The following SLC10A2 variants were observed in gnomAD, a reference collection of about 807,000 sequenced individuals.
SLC10A2 encodes solute carrier family 10 member 2, also known as ileal sodium/bile acid cotransporter.
Under a neutral mutation model 27.1 loss-of-function variants are expected in SLC10A2, and 34 were observed. The ratio of observed to expected loss-of-function variants is 1.26; its 90% CI spans 0.96 to 1.67. SLC10A2 has a LOEUF of 1.67. Among genes scored for constraint, SLC10A2 ranks in the 40% most tolerant of loss-of-function variants. SLC10A2 has a pLI of 0.00. For synonymous variants in SLC10A2, 205 were observed against 174.0 expected, an observed-to-expected ratio of 1.18 and a Z score of -1.40; for missense variants, 530 against 444.4, an observed-to-expected ratio of 1.19 and a Z score of -1.73.
chr13:103,060,763 T>G (rs1001360084), intron 1 of SLC10A2, among the ~76,000 whole-genome samples: 1 of 152,160 alleles, frequency 6.6e-6, no homozygotes, highest in African/African-American at 2.4e-5. Context: ...AATGAGAAAT[T>G]TCTCTGAAAG....
intron 3 of SLC10A2, 150 bp downstream of exon 3, chr13:103,052,470 A>G: frequency 2.9e-6 from 2 of 690,388 alleles, no homozygotes; most frequent in South Asian, 1.6e-5. Context: ...AAAGAAGGAC[A>G]TTCTAAAGGA....
intron 2 of SLC10A2, among the ~76,000 whole-genome samples, chr13:103,052,993 T>C (rs2042671778): frequency 1.3e-5 from 2 of 152,120 alleles, no homozygotes; most frequent in African/African-American, 4.8e-5. Flanking sequence ...GTTTCTTATT[T>C]TGCCAGCATA....
rs200350202 is a variant in SLC10A2, at chr13:103,052,744, C to G, written c.497-36G>C. 24 of 1,244,676 alleles carry G rather than the reference C, an allele frequency of 1.9e-5. No homozygotes were observed. In the South Asian group the frequency reaches 2.5e-4, roughly 13 times the overall value. The allele number at this position is 1,244,676 out of a possible 1,614,324, so 77.1% of individuals were successfully genotyped here. A position where few individuals can be genotyped will look rare whatever the true frequency, so the allele number is the denominator to read the frequency against. ...CAGAAGGGCAATGTGATCAGCAGAACAGGTGACACAGGAAAGAGAAAAACA... is the reference window on the plus strand; with the variant it reads ...CAGAAGGGCAATGTGATCAGCAGAAGAGGTGACACAGGAAAGAGAAAAACA... On this transcript the variant is annotated intron_variant, in intron 2 of 5. Transcript: ENST00000245312.
chr13:103,054,934 T>A (rs183963), intron 2 of SLC10A2, among the ~76,000 whole-genome samples: 64,318 of 151,980 alleles, frequency 0.42, 14,131 homozygotes, highest in African/African-American at 0.54. Context: ...TGAAAAAGCA[T>A]CCACTCATGG....
chr13:103,046,491 C>T (rs1875614861), intron 5 of SLC10A2, among the ~76,000 whole-genome samples: 1 of 152,142 alleles, frequency 6.6e-6, no homozygotes, highest in Non-Finnish European at 1.5e-5. Flanking sequence ...TTGCTCAGGG[C>T]AGCCACAAGC....
At chr13:103,063,318 A>C (rs9514093) in intron 1 of SLC10A2, among the ~76,000 whole-genome samples, 9,369 of 152,222 alleles carry the variant, frequency 0.062, 337 homozygotes, top group African/African-American at 0.09. Flanking sequence ...TCTCCCAAGA[A>C]CCATAACCAA....
In SLC10A2 at chr13:103,045,967, A is replaced by G. The variant is rs906957868; in HGVS notation, c.*166T>C. 5 of 683,856 alleles carry G rather than the reference A, an allele frequency of 7.3e-6. No individual in the cohort carries two copies. Among genetic ancestry groups the G allele is most frequent in the Non-Finnish European group, 1.2e-5 (5 of 401,574 alleles). The allele number at this position is 683,856 out of a possible 1,614,324, so 42.4% of individuals were successfully genotyped here. On this transcript the variant is annotated 3_prime_UTR_variant, in exon 6 of 6. Coordinates refer to ENST00000245312, the MANE Select transcript of SLC10A2 (RefSeq NM_000452.3). ...GAAACAATATTTGTCCCATTAAAGAATTGGGCCACCAGTCACTTGGTACTG... is the reference window on the plus strand; with the variant it reads ...GAAACAATATTTGTCCCATTAAAGAGTTGGGCCACCAGTCACTTGGTACTG...
At chr13:103,052,168 T>A (rs1875802448) in intron 3 of SLC10A2, among the ~76,000 whole-genome samples, 1 of 152,232 alleles carries the variant, frequency 6.6e-6, no homozygotes, top group Non-Finnish European at 1.5e-5. Flanking sequence ...TATGTTCTAT[T>A]TTCTAAGAAA....
At chr13:103,059,530 A>T (rs1480795006) in intron 1 of SLC10A2, among the ~76,000 whole-genome samples, 1 of 152,134 alleles carries the variant, frequency 6.6e-6, no homozygotes, top group Non-Finnish European at 1.5e-5. Context: ...CCTGGCCTTG[A>T]GCAAAATGGG....
rs143232105 is a variant in SLC10A2, at chr13:103,052,669, C to G, written c.536G>C (p.Gly179Ala). 6.2e-7 allele frequency: 1 copy of G among 1,612,344 alleles called. No homozygotes were observed. The highest frequency in any genetic ancestry group is 8.5e-7 in the Non-Finnish European group (1 of 1,178,612). ...GGGCCATTTGTGATTAACAAACATT[C>G]CAATGGAAACAGGAACAACGAGAGA... ...LVSLVVPVSI[G>A]MFVNHKWPQK... Residue 179 changes from glycine (G) to alanine (A), a missense_variant, in exon 3 of 6, where the codon GGA becomes GCA. Coordinates refer to ENST00000245312, the MANE Select transcript of SLC10A2 (RefSeq NM_000452.3).
chr13:103,066,049 G>GC lies in SLC10A2; in HGVS notation c.200dup (p.Ile68HisfsTer24). On this transcript the variant is annotated frameshift_variant, in exon 1 of 6. Coordinates refer to ENST00000245312, the MANE Select transcript of SLC10A2 (RefSeq NM_000452.3). LOFTEE classifies it high-confidence loss of function. ...ACTGACAGAGGAAGCCAACACAAATGCCCCACGGCCGCTTTATGTGCCCTA... is the reference window on the plus strand; with the variant it reads ...ACTGACAGAGGAAGCCAACACAAATGCCCCCACGGCCGCTTTATGTGCCCTA... 1 of 1,614,112 alleles carries GC rather than the reference G, an allele frequency of 6.2e-7. No individual in the cohort carries two copies. The highest frequency in any genetic ancestry group is 1.3e-5 in the African/African-American group (1 of 75,024).
chr13:103,063,349 A>AT (rs1876182206), intron 1 of SLC10A2, among the ~76,000 whole-genome samples: 1 of 152,158 alleles, frequency 6.6e-6, no homozygotes, highest in Non-Finnish European at 1.5e-5. Context: ...ACCAGGTGGA[A>AT]TGGTTTTGCT....
intron 2 of SLC10A2, among the ~76,000 whole-genome samples, chr13:103,057,827 C>T (rs191172401): frequency 3.3e-5 from 5 of 151,690 alleles, no homozygotes; most frequent in South Asian, 2.1e-4. Context: ...TGCAGTGAGC[C>T]GAGATCACGC....
At chr13:103,055,148 A>G (rs775719775) in intron 2 of SLC10A2, among the ~76,000 whole-genome samples, 2 of 152,094 alleles carry the variant, frequency 1.3e-5, no homozygotes, top group Non-Finnish European at 2.9e-5. Flanking sequence ...AACCCCTCTG[A>G]GCTTTTGTTT....
intron 1 of SLC10A2, among the ~76,000 whole-genome samples, chr13:103,064,074 T>C (rs1876204507): frequency 6.6e-6 from 1 of 152,184 alleles, no homozygotes; most frequent in Admixed American, 6.5e-5. Context: ...TTTATGAGAT[T>C]AAGTGAAATT....
At chr13:103,056,751 A>T (rs1267396859) in intron 2 of SLC10A2, among the ~76,000 whole-genome samples, 1 of 152,028 alleles carries the variant, frequency 6.6e-6, no homozygotes, top group African/African-American at 2.4e-5. Flanking sequence ...TCTTGTCAGG[A>T]GGTTATATAT....
In SLC10A2 at chr13:103,051,390, C is replaced by T; in HGVS notation, c.628G>A (p.Val210Met). The change falls in exon 4 of 6, where the codon GTG (valine) becomes ATG (methionine). Residue 210 changes from valine to methionine, a missense_variant. Val to Met is a conservative substitution (Grantham distance 21, BLOSUM62 1). Coordinates refer to ENST00000245312, the MANE Select transcript of SLC10A2 (RefSeq NM_000452.3). Reference sequence around the variant, plus strand: ...CTTTGGTACAATATTCCTCCAACCACAGCTATGAGCACAATGAGGATGGCG... The same window carrying T: ...CTTTGGTACAATATTCCTCCAACCATAGCTATGAGCACAATGAGGATGGCG... The part of the protein sequence containing the change: ...AGAILIVLIA[V>M]VGGILYQSAW... The T allele has an allele frequency of 6.2e-7, 1 of 1,613,996 alleles. No homozygotes were observed. The highest frequency in any genetic ancestry group is 1.7e-5 in the Admixed American group (1 of 60,014).
chr13:103,051,211 G>A (rs1239313605), intron 4 of SLC10A2, 46 bp downstream of exon 4: 2 of 1,588,958 alleles, frequency 1.3e-6, no homozygotes, highest in Admixed American at 3.3e-5. Context: ...GAATACAACA[G>A]ATATTACAGA....
chr13:103,063,504 T>C (rs948641368), intron 1 of SLC10A2, among the ~76,000 whole-genome samples: 2 of 152,184 alleles, frequency 1.3e-5, no homozygotes, highest in Admixed American at 1.3e-4. Flanking sequence ...TTAGATAGGA[T>C]TGTATCTAAG....
Sources: allele counts gnomAD v4.1 joint callset (sites outside exome capture counted in the v4.1 genomes callset), GRCh38; gene constraint gnomAD v4.1.1; transcripts MANE v1.5; gene names NCBI Gene and HGNC (gene_info 2026-07-23, HGNC 2026-07-21).